COLGALT2: variants seen among roughly 807,000 people sequenced by gnomAD.
COLGALT2 encodes the protein procollagen galactosyltransferase 2.
Under a neutral mutation model 73.4 loss-of-function variants are expected in COLGALT2, and 49 were observed. That is an observed-to-expected ratio of 0.67 (90% CI 0.53 to 0.85). The LOEUF (loss-of-function observed/expected upper bound fraction) is 0.85, where lower values mean the gene tolerates loss of function less well. COLGALT2 is among the 40% of genes least tolerant of loss of function. The pLI is 0.00. For missense variants in COLGALT2, 722 were observed against 790.2 expected, an observed-to-expected ratio of 0.91 and a Z score of 1.03; for synonymous variants, 295 against 307.6, an observed-to-expected ratio of 0.96 and a Z score of 0.43.
chr1:183,962,697 A>G lies in COLGALT2; in HGVS notation c.952+1204T>C, dbSNP rs117303876. Among the ~76,000 whole-genome samples the G allele has an allele frequency of 1.0e-3, 153 of 152,248 alleles. 1 individual carries two copies. In the East Asian group the frequency reaches 0.028, roughly 28 times the overall value. On this transcript the variant is annotated intron_variant, in intron 6 of 11. Transcript: ENST00000361927. ...CTCAGGTCCTCACCACCTTTTGCCC[A>G]GTAGCCGTGAAATGTCCAAAGTGGT...
chr1:183,987,119 T>C (rs925623839), intron 1 of COLGALT2, among the ~76,000 whole-genome samples: 1 of 152,242 alleles, frequency 6.6e-6, no homozygotes, highest in African/African-American at 2.4e-5. Flanking sequence ...ACTTTCAGCA[T>C]AATTTTCCTT....
At chr1:183,953,789 G>A (rs1670477022) in intron 7 of COLGALT2, among the ~76,000 whole-genome samples, 1 of 152,154 alleles carries the variant, frequency 6.6e-6, no homozygotes, top group Non-Finnish European at 1.5e-5. Context: ...CCTTCCTGAA[G>A]TATAGCTCCA....
chr1:184,003,216 A>T (rs12030903), intron 1 of COLGALT2, among the ~76,000 whole-genome samples: 17,116 of 152,178 alleles, frequency 0.11, 1,526 homozygotes, highest in East Asian at 0.44. Flanking sequence ...AAAGATAGGG[A>T]TTAGGTCCCC....
downstream of COLGALT2, among the ~76,000 whole-genome samples, chr1:183,933,925 CTT>C (rs1204687644): frequency 1.3e-5 from 2 of 152,334 alleles, no homozygotes; most frequent in East Asian, 3.9e-4. Context: ...TCTTTCCACT[CTT>C]TTTGAGGGCA....
chr1:183,950,758 C>T (rs547813942), intron 8 of COLGALT2, among the ~76,000 whole-genome samples: 55 of 152,248 alleles, frequency 3.6e-4, no homozygotes, highest in African/African-American at 1.2e-3. Context: ...CCCCCAGAGA[C>T]GGGACAATCA....
chr1:184,037,063 G>T, intron 1 of COLGALT2, 32 bp downstream of exon 1: 1 of 1,452,988 alleles, frequency 6.9e-7, no homozygotes. Context: ...CCCGCGTCCC[G>T]CCGCGGCGGC....
At chr1:183,981,167 C>T (rs1671338660) in intron 1 of COLGALT2, among the ~76,000 whole-genome samples, 1 of 152,054 alleles carries the variant, frequency 6.6e-6, no homozygotes, top group Non-Finnish European at 1.5e-5. Context: ...TCCCATGGAA[C>T]AAACCTGCAC....
chr1:183,978,277 T>G, intron 2 of COLGALT2, 133 bp downstream of exon 2: 1 of 551,932 alleles, frequency 1.8e-6, no homozygotes, highest in South Asian at 2.6e-5. Flanking sequence ...ATGGCAGATA[T>G]TCAGAACTCA....
chr1:184,013,668 G>A (rs1290367722), intron 1 of COLGALT2, among the ~76,000 whole-genome samples: 1 of 152,156 alleles, frequency 6.6e-6, no homozygotes, highest in East Asian at 1.9e-4. Flanking sequence ...GTCTTTGAAG[G>A]TTTGGGAGTA....
intron 1 of COLGALT2, among the ~76,000 whole-genome samples, chr1:184,010,048 G>C (rs1184691126): frequency 6.6e-6 from 1 of 152,134 alleles, no homozygotes; most frequent in Non-Finnish European, 1.5e-5. Context: ...CAAGGGGGAG[G>C]ATCCTGCAAA....
At chr1:183,972,167 G>A (rs866288736) in intron 4 of COLGALT2, among the ~76,000 whole-genome samples, 1 of 152,168 alleles carries the variant, frequency 6.6e-6, no homozygotes, top group Non-Finnish European at 1.5e-5. Context: ...GTGCAGTGGT[G>A]TGATCATAGC....
At chr1:183,989,785 T>G (rs1201787936) in intron 1 of COLGALT2, among the ~76,000 whole-genome samples, 1 of 152,234 alleles carries the variant, frequency 6.6e-6, no homozygotes, top group East Asian at 1.9e-4. Flanking sequence ...TGAATTTACT[T>G]GAACTCTCTG....
intron 1 of COLGALT2, among the ~76,000 whole-genome samples, chr1:184,032,672 C>T (rs1270618949): frequency 6.6e-6 from 1 of 152,166 alleles, no homozygotes; most frequent in African/African-American, 2.4e-5. Flanking sequence ...CTTTTTCAGC[C>T]ATAAACCGAA....
At chr1:183,930,905 G>A (rs1027012311), downstream of COLGALT2, among the ~76,000 whole-genome samples, 11 of 152,116 alleles carry the variant, frequency 7.2e-5, no homozygotes, top group African/African-American at 2.7e-4. Flanking sequence ...TAGGAGCCAG[G>A]CAAATTTAAT....
chr1:183,937,778 A>G lies in COLGALT2; in HGVS notation c.*983T>C, dbSNP rs1436678550. ...TTTTGTAAAATAAATAATTCAAAATATAATGAAAAAACTCTGGCAAGGATA... is the reference window on the plus strand; with the variant it reads ...TTTTGTAAAATAAATAATTCAAAATGTAATGAAAAAACTCTGGCAAGGATA... On this transcript the variant is annotated 3_prime_UTR_variant, in exon 12 of 12. Transcript: ENST00000361927. 20 of 985,282 alleles carry G rather than the reference A, an allele frequency of 2.0e-5. No homozygotes were observed. The highest frequency in any genetic ancestry group is 2.4e-5 in the Non-Finnish European group (20 of 829,904). 61.0% of individuals were successfully genotyped at this position (985,282 alleles called of 1,614,324 possible).
Position 183,936,569 on chromosome 1 carries a change from C to G in COLGALT2, c.*2192G>C, listed in dbSNP as rs1669960120. On this transcript the variant is annotated 3_prime_UTR_variant, in exon 12 of 12. Coordinates refer to ENST00000361927, the MANE Select transcript of COLGALT2 (RefSeq NM_015101.4). ...AAACAAAACACCACAAAAATCAACC[C>G]AAACTTCCTTCAACCCCAGCACCCC... The G allele has an allele frequency of 8.9e-7, 1 of 1,129,076 alleles. No individual in the cohort carries two copies. The highest frequency in any genetic ancestry group is 1.1e-6 in the Non-Finnish European group (1 of 923,720). 69.9% of individuals were successfully genotyped at this position (1,129,076 alleles called of 1,614,324 possible). A position where few individuals can be genotyped will look rare whatever the true frequency, so the allele number is the denominator to read the frequency against.
intron 11 of COLGALT2, among the ~76,000 whole-genome samples, chr1:183,939,475 C>T (rs1291373109): frequency 6.6e-6 from 1 of 152,208 alleles, no homozygotes; most frequent in African/African-American, 2.4e-5. Flanking sequence ...CTCTAGCTCC[C>T]TGCTCACCAC....
rs1250519662 is a variant in COLGALT2 at position 184,037,724 on chromosome 1, G to A, written c.-367C>T. On this transcript the variant is annotated 5_prime_UTR_variant, in exon 1 of 12. Transcript: ENST00000361927. ...TCTGTGGCCTTCCCTAGAGCCGCGA[G>A]TTGTGGCCCTGTCTGCCAATGAGCC... 1 of 908,574 alleles carries A rather than the reference G, an allele frequency of 1.1e-6. No individual in the cohort carries two copies. The highest frequency in any genetic ancestry group is 6.1e-5 in the Admixed American group (1 of 16,446). 56.3% of individuals were successfully genotyped at this position (908,574 alleles called of 1,614,324 possible).
intron 4 of COLGALT2, among the ~76,000 whole-genome samples, chr1:183,970,019 T>A (rs548100953): frequency 6.6e-6 from 1 of 152,340 alleles, no homozygotes; most frequent in African/African-American, 2.4e-5. Flanking sequence ...ACCAAGAATG[T>A]ATCAGCAAAT....
Sources: allele counts gnomAD v4.1 joint callset (sites outside exome capture counted in the v4.1 genomes callset), GRCh38; gene constraint gnomAD v4.1.1; transcripts MANE v1.5; gene names NCBI Gene and HGNC (gene_info 2026-07-23, HGNC 2026-07-21).